Variants in PCDHAC1 observed in about 807,000 individuals in gnomAD.
PCDHAC1 encodes the protein protocadherin alpha subfamily C, 1.
In PCDHAC1, 42 loss-of-function variants were observed where a neutral mutation model predicts 60.0. The observed-to-expected ratio is 0.70, with a 90% CI of 0.55 to 0.90. PCDHAC1 has a LOEUF of 0.90. Ranked by LOEUF, PCDHAC1 falls within the 40% of genes least tolerant of loss-of-function variation. The pLI is 0.00. For missense variants in PCDHAC1, 1,160 were observed against 1,222.3 expected (o/e 0.95, Z 0.76); for synonymous variants, 468 against 499.3 (o/e 0.94, Z 0.84).
chr5:140,990,148 A>T (rs1236453414), intron 3 of PCDHAC1, among the ~76,000 whole-genome samples: 1 of 152,146 alleles, frequency 6.6e-6, no homozygotes, highest in African/African-American at 2.4e-5. Flanking sequence ...AGGCATAATA[A>T]TAGAAAGTTA....
At chr5:140,955,907 C>A (rs1356508512) in intron 1 of PCDHAC1, among the ~76,000 whole-genome samples, 3 of 152,126 alleles carry the variant, frequency 2.0e-5, no homozygotes, top group East Asian at 3.8e-4. Flanking sequence ...CTCTTTGTAG[C>A]AATTGTGAAT....
intron 1 of PCDHAC1, chr5:140,966,401 C>G (rs1218132824): frequency 2.5e-6 from 1 of 404,878 alleles, no homozygotes; most frequent in African/African-American, 2.1e-5. Flanking sequence ...CACTTCGGCG[C>G]GGAATCAGAG....
chr5:140,939,863 G>C (rs2092478768), intron 1 of PCDHAC1, among the ~76,000 whole-genome samples: 1 of 152,064 alleles, frequency 6.6e-6, no homozygotes, highest in Non-Finnish European at 1.5e-5. Flanking sequence ...ATGTCCATTA[G>C]GTCATCTTTG....
intron 1 of PCDHAC1, among the ~76,000 whole-genome samples, chr5:140,946,411 A>G (rs1554217552): frequency 1.1e-4 from 16 of 151,766 alleles, no homozygotes. Context: ...ATCATAGAAA[A>G]CAATATGGAG....
At chr5:140,984,942 A>C (rs1263555467) in intron 3 of PCDHAC1, among the ~76,000 whole-genome samples, 1 of 151,954 alleles carries the variant, frequency 6.6e-6, no homozygotes, top group Admixed American at 6.6e-5. Context: ...ATAAATGTCT[A>C]ATCTTTTTTT....
At chr5:140,969,610 GA>G in intron 1 of PCDHAC1, 1 of 723,542 alleles carries the variant, frequency 1.4e-6, no homozygotes, top group East Asian at 2.8e-5. Context: ...CTAAAACACA[GA>G]TTTGTAGAGA....
rs145229632 is a variant in PCDHAC1, at chr5:140,928,096, C to T, written c.1204C>T (p.Pro402Ser). The T allele has an allele frequency of 6.2e-7, 1 of 1,614,170 alleles. No individual in the cohort carries two copies. The highest frequency in any genetic ancestry group is 8.5e-7 in the Non-Finnish European group (1 of 1,180,030). Residue 402 changes from proline (P) to serine (S), a missense_variant, in exon 1 of 4, where the codon CCC (proline) becomes TCC (serine). Pro to Ser is a moderately conservative substitution (Grantham distance 74). This residue lies in a region of PCDHAC1 where 1,113 missense variants were observed against 1,163.7 expected (regional missense o/e 0.96). Transcript: ENST00000253807. Reference protein sequence around the residue: ...DNYYSLLIDGPLDREQISEYQ... With the variant: ...DNYYSLLIDGSLDREQISEYQ... Reference sequence around the variant, plus strand: ...CTACTACAGCCTGCTGATTGATGGGCCCCTGGACCGGGAGCAGATCAGTGA... The same window carrying T: ...CTACTACAGCCTGCTGATTGATGGGTCCCTGGACCGGGAGCAGATCAGTGA...
Position 140,928,603 on chromosome 5 carries a change from C to T in PCDHAC1, c.1711C>T (p.Pro571Ser). 1.2e-6 allele frequency: 2 copies of T among 1,614,208 alleles called. No individual in the cohort carries two copies. The highest frequency in any genetic ancestry group is 3.3e-5 in the Admixed American group (2 of 60,030). ...TGGTTCTGTCCCAGTGGAAATTGTG[C>T]CCCGCTCTGCCAGGACTGGACACTT... is the stretch of plus-strand genomic sequence containing the variant. ...RNGSVPVEIV[P>S]RSARTGHLVT... Residue 571 changes from proline to serine, a missense_variant, in exon 1 of 4, where the codon CCC becomes TCC. By Grantham distance (74) the Pro-to-Ser change is moderately conservative. Transcript: ENST00000253807.
At chr5:140,968,106 C>T (rs1554230344) in intron 1 of PCDHAC1, 8 of 1,614,016 alleles carry the variant, frequency 5.0e-6, no homozygotes, top group East Asian at 2.2e-5. Flanking sequence ...GGGGGAATAC[C>T]GCAGCTCACA....
intron 1 of PCDHAC1, among the ~76,000 whole-genome samples, chr5:140,949,632 T>C (rs932981591): frequency 2.6e-5 from 4 of 151,894 alleles, no homozygotes; most frequent in Non-Finnish European, 5.9e-5. Flanking sequence ...TCATGGCATA[T>C]TGCTTTTTGT....
In PCDHAC1 at chr5:141,009,476, C is replaced by G. The variant is rs970744618; in HGVS notation, c.2582-151C>G. ...TTAAACAAATAAATAAATAAGTAAA[C>G]ACTTGCCTTGCCCTCAGACTTGAAC... On this transcript the variant is annotated intron_variant, in intron 3 of 3. Coordinates refer to ENST00000253807, the MANE Select transcript of PCDHAC1 (RefSeq NM_018898.5). 2.3e-5 allele frequency: 32 copies of G among 1,420,036 alleles called. No individual in the cohort carries two copies. The East Asian group carries it at 7.2e-4, about 32-fold the overall frequency. 88.0% of individuals were successfully genotyped at this position (1,420,036 alleles called of 1,614,324 possible).
intron 1 of PCDHAC1, among the ~76,000 whole-genome samples, chr5:140,938,387 A>G (rs2092042874): frequency 6.6e-6 from 1 of 152,220 alleles, no homozygotes. Flanking sequence ...AATATTTAAT[A>G]TGAAATACAT....
At chr5:140,999,244 G>A (rs1554256717) in intron 3 of PCDHAC1, among the ~76,000 whole-genome samples, 1 of 152,210 alleles carries the variant, frequency 6.6e-6, no homozygotes, top group African/African-American at 2.4e-5. Flanking sequence ...GTTAAAGTGG[G>A]AGTTGGATTA....
chr5:140,967,628 T>C (rs1341456967), intron 1 of PCDHAC1: 3 of 1,613,984 alleles, frequency 1.9e-6, no homozygotes, highest in Non-Finnish European at 2.5e-6. Context: ...GGATGAGGGC[T>C]CCAATGGTGA....
chr5:140,940,790 A>G (rs1337945408), intron 1 of PCDHAC1, among the ~76,000 whole-genome samples: 3 of 152,176 alleles, frequency 2.0e-5, no homozygotes, highest in African/African-American at 7.2e-5. Context: ...TATCCTGAAA[A>G]TGATATTTGC....
At chr5:140,982,191 T>G (rs1431582069) in intron 2 of PCDHAC1, among the ~76,000 whole-genome samples, 1 of 152,266 alleles carries the variant, frequency 6.6e-6, no homozygotes, top group African/African-American at 2.4e-5. Context: ...ATGGGCTTCC[T>G]GTTAGATTTA....
intron 1 of PCDHAC1, among the ~76,000 whole-genome samples, chr5:140,971,541 G>A (rs544682624): frequency 6.6e-6 from 1 of 152,172 alleles, no homozygotes; most frequent in Non-Finnish European, 1.5e-5. Context: ...ATCATTGCCA[G>A]ATCAACCTGT....
chr5:140,967,034 C>T (rs782810130), intron 1 of PCDHAC1: 9 of 1,610,726 alleles, frequency 5.6e-6, no homozygotes, highest in Non-Finnish European at 2.5e-6. Flanking sequence ...TCCGCGCTAC[C>T]TGGAGCTGGA....
chr5:141,006,002 G>T (rs185630910), intron 3 of PCDHAC1, among the ~76,000 whole-genome samples: 1 of 151,740 alleles, frequency 6.6e-6, no homozygotes, highest in East Asian at 1.9e-4. Context: ...CTGAAAGAAG[G>T]CCTGTATGGT....
Sources: gnomAD v4.1 joint callset for allele counts (sites outside exome capture counted in the v4.1 genomes callset) on GRCh38, gnomAD v4.1.1 for gene constraint, gnomAD v4.1.1 regional missense constraint, MANE v1.5 for transcripts, NCBI Gene and HGNC (gene_info 2026-07-23, HGNC 2026-07-21) for gene names.